TMEM33: variants seen among roughly 807,000 people sequenced by gnomAD.
The protein encoded by TMEM33 is transmembrane protein 33.
TMEM33 carries 16 observed loss-of-function variants against 29.7 expected under a neutral mutation model. That is an observed-to-expected ratio of 0.54 (90% CI 0.36 to 0.82). The LOEUF is 0.82. TMEM33 is among the 40% of genes least tolerant of loss of function. TMEM33 has a pLI of 0.00. For synonymous variants in TMEM33, 112 were observed against 109.4 expected (o/e 1.02, Z -0.15); for missense variants, 252 against 295.3 (o/e 0.85, Z 1.08).
intron 6 of TMEM33, among the ~76,000 whole-genome samples, chr4:41,952,865 A>G (rs1416662673): frequency 6.6e-6 from 1 of 152,160 alleles, no homozygotes; most frequent in East Asian, 1.9e-4. Flanking sequence ...CTGAGGGACA[A>G]TATGTACATT....
At chr4:41,938,253 A>G (rs888927353) in intron 1 of TMEM33, among the ~76,000 whole-genome samples, 1 of 152,252 alleles carries the variant, frequency 6.6e-6, no homozygotes, top group African/African-American at 2.4e-5. Flanking sequence ...GATGAAGCCA[A>G]TATTGCAAGT....
chr4:41,936,437 G>A (rs149124701), intron 1 of TMEM33, among the ~76,000 whole-genome samples: 3,284 of 152,278 alleles, frequency 0.022, 53 homozygotes, highest in African/African-American at 0.032. Context: ...CAGCACTTTG[G>A]GAGGCCAAGG....
rs114291979 is a variant in TMEM33, at chr4:41,953,627, T to G, written c.615-443T>G. On this transcript the variant is annotated intron_variant, in intron 6 of 6. Coordinates refer to ENST00000504986, the MANE Select transcript of TMEM33 (RefSeq NM_018126.3). Reference sequence around the variant, plus strand: ...GGGAGGCCTCCTTTCACCTGAGCACTTAGAGGCCATTACAGGGTTATTAAT... The same window carrying G: ...GGGAGGCCTCCTTTCACCTGAGCACGTAGAGGCCATTACAGGGTTATTAAT... The G allele has an allele frequency of 1.6e-3, 605 of 376,046 alleles. 2 individuals are homozygous for G. The highest frequency in any genetic ancestry group is 0.012 in the African/African-American group (563 of 47,514). 23.3% of individuals were successfully genotyped at this position (376,046 alleles called of 1,614,324 possible).
At chr4:41,938,518 A>G (rs2153126423) in intron 1 of TMEM33, 84 bp from the exon 2 acceptor site, 5 of 1,235,176 alleles carry the variant, frequency 4.0e-6, no homozygotes, top group Non-Finnish European at 5.9e-6. Context: ...AAATATTTTG[A>G]GTAGACATAA....
chr4:41,946,821 G>A (rs55942263), intron 5 of TMEM33, among the ~76,000 whole-genome samples: 30,109 of 152,042 alleles, frequency 0.2, 4,609 homozygotes, highest in African/African-American at 0.43. Flanking sequence ...TAATTAGTAA[G>A]AGGAACTTTT....
In TMEM33 at chr4:41,960,686, G is replaced by A. The variant is rs1203829573; in HGVS notation, c.*6487G>A. On this transcript the variant is annotated 3_prime_UTR_variant, in exon 7 of 7. Transcript: ENST00000504986. ...TTTGAACACACTCCTCTTATCCTCAGCCCATCACAAATAATAGAGATGCCA... is the reference window on the plus strand; with the variant it reads ...TTTGAACACACTCCTCTTATCCTCAACCCATCACAAATAATAGAGATGCCA... 6.6e-6 allele frequency: 1 copy of A among 151,912 alleles called. No individual in the cohort carries two copies. Among genetic ancestry groups the A allele is most frequent in the Non-Finnish European group, 1.5e-5 (1 of 67,974 alleles). The allele number at this position is 151,912 out of a possible 1,614,324, so 9.4% of individuals were successfully genotyped here.
intron 1 of TMEM33, among the ~76,000 whole-genome samples, chr4:41,937,716 G>A (rs954102967): frequency 6.6e-6 from 1 of 151,954 alleles, no homozygotes; most frequent in Non-Finnish European, 1.5e-5. Flanking sequence ...AAATTACGAA[G>A]ATCCTAGACA....
rs745392712 is a variant in TMEM33, at chr4:41,959,170, C to T, written c.*4971C>T. 2.6e-5 allele frequency: 4 copies of T among 152,092 alleles called. No individual in the cohort carries two copies. The highest frequency in any genetic ancestry group is 5.9e-5 in the Non-Finnish European group (4 of 68,032). The allele number at this position is 152,092 out of a possible 1,614,324, so 9.4% of individuals were successfully genotyped here. A position where few individuals can be genotyped will look rare whatever the true frequency, so the allele number is the denominator to read the frequency against. On this transcript the variant is annotated 3_prime_UTR_variant, in exon 7 of 7. Coordinates refer to ENST00000504986, the MANE Select transcript of TMEM33 (RefSeq NM_018126.3). ...TCCAGAGATTGTTTTAAGGAGCAGT[C>T]TTATATTCAGGGTAGAAAGTTATGA...
chr4:41,953,226 A>G (rs1713119777), intron 6 of TMEM33, among the ~76,000 whole-genome samples: 2 of 152,190 alleles, frequency 1.3e-5, no homozygotes, highest in Admixed American at 1.3e-4. Context: ...AGATTCCTTC[A>G]TGAGTATTTG....
At chr4:41,936,852 A>G (rs1712262737) in intron 1 of TMEM33, among the ~76,000 whole-genome samples, 1 of 152,176 alleles carries the variant, frequency 6.6e-6, no homozygotes, top group Admixed American at 6.5e-5. Context: ...ATGTATATCT[A>G]TATTATATAT....
chr4:41,942,208 G>GA (rs1712573078), intron 3 of TMEM33, among the ~76,000 whole-genome samples: 1 of 152,180 alleles, frequency 6.6e-6, no homozygotes, highest in Non-Finnish European at 1.5e-5. Context: ...GTGACTTTTG[G>GA]AGAGGGTTGT....
chr4:41,952,522 T>C (rs185640898), intron 6 of TMEM33, among the ~76,000 whole-genome samples: 1 of 152,330 alleles, frequency 6.6e-6, no homozygotes, highest in East Asian at 1.9e-4. Flanking sequence ...GTATAATATA[T>C]GTGATATCTA....
At chr4:41,935,416 G>A, upstream of TMEM33, 1 of 1,518,258 alleles carries the variant, frequency 6.6e-7, no homozygotes, top group East Asian at 2.4e-5. Context: ...TGGCCCCAGC[G>A]CTGACGTTTT....
intron 6 of TMEM33, among the ~76,000 whole-genome samples, chr4:41,953,021 A>G (rs928047982): frequency 2.6e-5 from 4 of 151,940 alleles, no homozygotes; most frequent in African/African-American, 9.7e-5. Flanking sequence ...AAATGATGTG[A>G]CTCTAAAATA....
At chr4:41,940,046 C>CTTTTTTTTTTTTTTTTTTTTTTTTT (rs71650953) in intron 3 of TMEM33, among the ~76,000 whole-genome samples, 1 of 81,366 alleles carries the variant, frequency 1.2e-5, no homozygotes, top group Admixed American at 1.6e-4. Flanking sequence ...GTTAAACTTT[C>CTTTTTTTTTTTTTTTTTTTTTTTTT]TTTTTTTTTT....
intron 1 of TMEM33, among the ~76,000 whole-genome samples, chr4:41,936,276 C>G (rs1273550252): frequency 6.6e-6 from 1 of 152,216 alleles, no homozygotes; most frequent in South Asian, 2.1e-4. Context: ...CGCAGTGGCT[C>G]ACTCCTGTAA....
At chr4:41,944,070 A>G (rs1319964177) in intron 4 of TMEM33, 1 of 433,928 alleles carries the variant, frequency 2.3e-6, no homozygotes, top group African/African-American at 2.0e-5. Context: ...AGTTTGAAAT[A>G]GATCAGTTTT....
At position 41,944,655 on chromosome 4, in the gene TMEM33, T is replaced by A. The variant is rs528941334; in HGVS notation, c.397-138T>A. On this transcript the variant is annotated intron_variant, in intron 4 of 6. Transcript: ENST00000504986. The stretch of plus-strand genomic sequence containing the variant: ...ATACTATATTTGTCCTTAAATAGTT[T>A]GTGAACTTCGTACCATCATTTCCAA... 1.2e-4 allele frequency: 114 copies of A among 991,292 alleles called. 1 individual carries two copies. In the South Asian group the frequency reaches 1.5e-3, roughly 13 times the overall value. The allele number at this position is 991,292 out of a possible 1,614,324, so 61.4% of individuals were successfully genotyped here. A position where few individuals can be genotyped will look rare whatever the true frequency, so the allele number is the denominator to read the frequency against.
rs1016615537 is a variant in TMEM33, at chr4:41,954,811, G to C, written c.*612G>C. 1 of 152,508 alleles carries C rather than the reference G, an allele frequency of 6.6e-6. No homozygotes were observed. The highest frequency in any genetic ancestry group is 1.5e-5 in the Non-Finnish European group (1 of 68,026). The allele number at this position is 152,508 out of a possible 1,614,324, so 9.4% of individuals were successfully genotyped here. The stretch of plus-strand genomic sequence containing the variant: ...TTTCCGTAAGTACTTCTGTGGCCTT[G>C]AGTATTTTTTAAAAGGCTCAACTGT... On this transcript the variant is annotated 3_prime_UTR_variant, in exon 7 of 7. Coordinates refer to ENST00000504986, the MANE Select transcript of TMEM33 (RefSeq NM_018126.3).
Sources: gnomAD v4.1 joint callset for allele counts (sites outside exome capture counted in the v4.1 genomes callset) on GRCh38, gnomAD v4.1.1 for gene constraint, MANE v1.5 for transcripts, NCBI Gene and HGNC (gene_info 2026-07-23, HGNC 2026-07-21) for gene names.